PLBD2: variants seen among roughly 807,000 people sequenced by gnomAD.
PLBD2 encodes putative aminopeptidase PLBD2.
In PLBD2, 51 loss-of-function variants were observed where a neutral mutation model predicts 68.3. The ratio of observed to expected loss-of-function variants is 0.75; its 90% CI spans 0.60 to 0.94. PLBD2 has a LOEUF of 0.94. PLBD2 is among the 40% of genes least tolerant of loss of function. The pLI, the probability that PLBD2 is intolerant of heterozygous loss-of-function variation, is 0.00. For synonymous variants in PLBD2, 314 were observed against 339.3 expected (o/e 0.93, Z 0.82); for missense variants, 729 against 792.2 (o/e 0.92, Z 0.96).
chr12:113,372,821 C>T lies in PLBD2; in HGVS notation c.543+14C>T, dbSNP rs774061008. 8.7e-6 allele frequency: 14 copies of T among 1,608,282 alleles called. No homozygotes were observed. Among genetic ancestry groups the T allele is most frequent in the Non-Finnish European group, 1.2e-5 (14 of 1,177,358 alleles). On this transcript the variant is annotated intron_variant, in intron 3 of 11. Coordinates refer to ENST00000280800, the MANE Select transcript of PLBD2 (RefSeq NM_173542.4). This position sits in a 1 kb window ranked among gnomAD's most constrained non-coding sequence, Gnocchi z 4.2. ...TACTGGCACCAGGTGAGTCCTGCTG[C>T]CACGCTTGGTGGGAGGGGGCTTCCA...
chr12:113,376,093 A>T (rs1957435967), intron 5 of PLBD2, among the ~76,000 whole-genome samples: 2 of 150,786 alleles, frequency 1.3e-5, no homozygotes. Flanking sequence ...ACCTCAAGTG[A>T]TCTGCCCACT....
At chr12:113,368,557 A>G (rs572142464) in intron 1 of PLBD2, among the ~76,000 whole-genome samples, 2 of 152,298 alleles carry the variant, frequency 1.3e-5, no homozygotes, top group South Asian at 2.1e-4. Flanking sequence ...CCATTGGCCA[A>G]AGCAGGTCAC....
chr12:113,364,537 T>C (rs1957325618), intron 1 of PLBD2, among the ~76,000 whole-genome samples: 1 of 151,818 alleles, frequency 6.6e-6, no homozygotes, highest in South Asian at 2.1e-4. Flanking sequence ...GGTGTGATCA[T>C]AGCTCACTGC....
rs574060458 is a variant in PLBD2, at chr12:113,387,076, G to T, written c.1426G>T (p.Val476Phe). Residue 476 changes from valine to phenylalanine, a missense_variant, in exon 10 of 12, where the codon GTC becomes TTC. Transcript: ENST00000280800. The stretch of plus-strand genomic sequence containing the variant: ...ACTGGTACAAGACATGGACTCCATG[G>T]TCAGGCTGATGAGGTAGGTGCCAGT... Reference protein sequence around the residue: ...QSLVQDMDSMVRLMRYNDFLH... With the variant: ...QSLVQDMDSMFRLMRYNDFLH... 3.8e-5 allele frequency: 60 copies of T among 1,596,264 alleles called. No homozygotes were observed. Among genetic ancestry groups the T allele is most frequent in the Admixed American group, 5.3e-5 (3 of 56,968 alleles).
chr12:113,374,440 C>T, intron 3 of PLBD2, 34 bp from the exon 4 acceptor site: 2 of 1,400,580 alleles, frequency 1.4e-6, no homozygotes, highest in Non-Finnish European at 2.0e-6. Context: ...GAGGAGAGGC[C>T]TCACCCTCCC....
intron 3 of PLBD2, among the ~76,000 whole-genome samples, chr12:113,373,312 T>C (rs1396272628): frequency 1.3e-5 from 2 of 152,236 alleles, no homozygotes; most frequent in Non-Finnish European, 2.9e-5. Flanking sequence ...TAGGCCATCA[T>C]TGGAAAAGTC....
At chr12:113,373,720 C>T (rs1466672745) in intron 3 of PLBD2, among the ~76,000 whole-genome samples, 1 of 147,900 alleles carries the variant, frequency 6.8e-6, no homozygotes, top group East Asian at 2.1e-4. Context: ...CCCATCCTTC[C>T]ACCCACCCAC....
At chr12:113,380,714 C>T in intron 5 of PLBD2, 31 bp from the exon 6 acceptor site, 1 of 1,536,080 alleles carries the variant, frequency 6.5e-7, no homozygotes, top group East Asian at 2.4e-5. Flanking sequence ...GCCTGTCTGA[C>T]CAGCATCCCT....
intron 5 of PLBD2, 145 bp downstream of exon 5, chr12:113,375,152 T>A: frequency 1.3e-6 from 1 of 784,048 alleles, no homozygotes; most frequent in Non-Finnish European, 2.0e-6. Flanking sequence ...TTGGTTTTGT[T>A]TTTTTCTTTT....
At chr12:113,358,971 G>A (rs1957262231) in intron 1 of PLBD2, 81 bp downstream of exon 1, 3 of 1,395,650 alleles carry the variant, frequency 2.1e-6, no homozygotes, top group South Asian at 1.5e-5. Context: ...TCCCGGGACC[G>A]GCCTCTTGCC....
In PLBD2 at chr12:113,363,136, C is replaced by T. The variant is rs145112512; in HGVS notation, c.290+4246C>T. Among the ~76,000 whole-genome samples, 471 of 152,098 alleles carry T rather than the reference C, an allele frequency of 3.1e-3. 3 individuals carry two copies. Among genetic ancestry groups the T allele is most frequent in the African/African-American group, 0.011 (440 of 41,488 alleles). ...ATAAGCACATCTAGTTATAGACACA[C>T]TCTAAAGTGTTTTTCTGGCCGGGCG... On this transcript the variant is annotated intron_variant, in intron 1 of 11. Coordinates refer to ENST00000280800, the MANE Select transcript of PLBD2 (RefSeq NM_173542.4).
chr12:113,383,012 A>G (rs1054727285), intron 6 of PLBD2, among the ~76,000 whole-genome samples: 1 of 151,794 alleles, frequency 6.6e-6, no homozygotes, highest in Admixed American at 6.6e-5. Flanking sequence ...CTGGGATTAC[A>G]TGAGTTTTGT....
intron 1 of PLBD2, among the ~76,000 whole-genome samples, chr12:113,362,552 T>C (rs1222749388): frequency 6.6e-6 from 1 of 150,600 alleles, no homozygotes; most frequent in Non-Finnish European, 1.5e-5. Flanking sequence ...AGACATTAGC[T>C]GCCCCTGGCA....
At chr12:113,361,288 TAC>T (rs1957291352) in intron 1 of PLBD2, among the ~76,000 whole-genome samples, 1 of 151,556 alleles carries the variant, frequency 6.6e-6, no homozygotes, top group Non-Finnish European at 1.5e-5. Context: ...AAATTCTCCC[TAC>T]ACCATAATCC....
intron 1 of PLBD2, among the ~76,000 whole-genome samples, chr12:113,366,365 G>A (rs150992583): frequency 6.5e-4 from 95 of 146,452 alleles, no homozygotes; most frequent in Admixed American, 5.6e-3. Context: ...TGTCCTTGGA[G>A]CAAAAATGAT....
At chr12:113,360,269 G>A (rs1565856477) in intron 1 of PLBD2, among the ~76,000 whole-genome samples, 1 of 152,168 alleles carries the variant, frequency 6.6e-6, no homozygotes, top group Non-Finnish European at 1.5e-5. Context: ...CTTTGTGGCT[G>A]GCCTCGGGGG....
intron 5 of PLBD2, among the ~76,000 whole-genome samples, chr12:113,378,217 C>T (rs1334352994): frequency 2.6e-5 from 4 of 151,526 alleles, no homozygotes; most frequent in South Asian, 2.1e-4. Flanking sequence ...GCTTGAACCG[C>T]GAAGGCAGAG....
In PLBD2 at chr12:113,384,857, C is replaced by A; in HGVS notation, c.1125C>A (p.Asn375Lys). The A allele has an allele frequency of 6.2e-7, 1 of 1,613,070 alleles. No homozygotes were observed. Among genetic ancestry groups the A allele is most frequent in the Non-Finnish European group, 8.5e-7 (1 of 1,179,432 alleles). The change falls in exon 8 of 12, where the codon AAC becomes AAA. Residue 375 changes from asparagine (N) to lysine (K), a missense_variant. Coordinates refer to ENST00000280800, the MANE Select transcript of PLBD2 (RefSeq NM_173542.4). The surrounding 1 kb of genome is among the most constrained non-coding windows in gnomAD (Gnocchi z 4.2). ...CCCTTCCCCTGCCCGGCAGGTATAA[C>A]AACCAGTGGATGATCGTGGACTACA... ...IFKRFNSGTYNNQWMIVDYKA... is the reference protein window; with the variant it reads ...IFKRFNSGTYKNQWMIVDYKA...
chr12:113,380,617 A>G, intron 5 of PLBD2, 128 bp from the exon 6 acceptor site: 4 of 682,408 alleles, frequency 5.9e-6, no homozygotes, highest in Non-Finnish European at 7.6e-6. Flanking sequence ...TAAATGACAA[A>G]AAGGACACAG....
Sources: allele counts gnomAD v4.1 joint callset (sites outside exome capture counted in the v4.1 genomes callset), GRCh38; gene constraint gnomAD v4.1.1; non-coding constraint Gnocchi (gnomAD v3.1); transcripts MANE v1.5; gene names NCBI Gene and HGNC (gene_info 2026-07-23, HGNC 2026-07-21).